The following ZNF445 variants were observed in gnomAD, a reference collection of about 807,000 sequenced individuals.
The protein encoded by ZNF445 is zinc finger protein 168.
In ZNF445, 19 loss-of-function variants were observed where a neutral mutation model predicts 93.9. That is an observed-to-expected ratio of 0.20 (90% CI 0.14 to 0.30). The LOEUF (loss-of-function observed/expected upper bound fraction) is 0.30, where lower values mean the gene tolerates loss of function less well. Among genes scored for constraint, ZNF445 ranks in the 10% least tolerant of loss-of-function variants. ZNF445 has a pLI of 1.00. For synonymous variants in ZNF445, 449 were observed against 446.3 expected (o/e 1.01, Z -0.08); for missense variants, 1,058 against 1,259.4 (o/e 0.84, Z 2.42).
chr3:44,448,053 G>A lies in ZNF445; in HGVS notation c.1618C>T (p.Pro540Ser). The change falls in exon 8 of 8, where the codon CCT (proline) becomes TCT (serine). Residue 540 changes from proline to serine, a missense_variant. This residue lies in a region of ZNF445 where 657 missense variants were observed against 746.4 expected (regional missense o/e 0.88). Coordinates refer to ENST00000396077, the MANE Select transcript of ZNF445 (RefSeq NM_181489.6). ...RHEKIHTGVK[P>S]YKCDLCEKAF... is the part of the protein sequence containing the mutation. ...TTCTCACATAAATCGCATTTATAAG[G>A]CTTCACTCCAGTGTGAATTTTCTCA... is the stretch of plus-strand genomic sequence containing the variant. 8.1e-6 allele frequency: 13 copies of A among 1,611,978 alleles called. 2 individuals are homozygous for A. The South Asian group carries it at 1.2e-4, about 15-fold the overall frequency.
Position 44,471,048 on chromosome 3 carries a change from A to G in ZNF445, c.-269+6543T>C, listed in dbSNP as rs148046845. Among the ~76,000 whole-genome samples, 353 of 152,352 alleles carry G rather than the reference A, an allele frequency of 2.3e-3. 5 individuals are homozygous for G. The highest frequency in any genetic ancestry group is 0.02 in the Admixed American group (307 of 15,312). ...GAAAACAGAAACAAAGAAAAGGAGTAGCCAGCAACAATGGAAGAAAAAAAA... is the reference window on the plus strand; with the variant it reads ...GAAAACAGAAACAAAGAAAAGGAGTGGCCAGCAACAATGGAAGAAAAAAAA... On this transcript the variant is annotated intron_variant, in intron 1 of 7. Transcript: ENST00000396077.
In ZNF445 at chr3:44,450,857, C is replaced by CTA; in HGVS notation, c.693+10_693+11insTA. On this transcript the variant is annotated intron_variant, in intron 5 of 7. Transcript: ENST00000396077. ...GGGACATCAGGAAGGACCAAATGTT[C>CTA]TGTGGCTCACCTGGAGCTGGGCTGT... 1 of 1,552,606 alleles carries CTA rather than the reference C, an allele frequency of 6.4e-7. No individual in the cohort carries two copies. The highest frequency in any genetic ancestry group is 8.7e-7 in the Non-Finnish European group (1 of 1,151,516).
intron 3 of ZNF445, chr3:44,454,858 T>C (rs773015658): frequency 2.3e-4 from 116 of 508,684 alleles, no homozygotes; most frequent in Non-Finnish European, 3.7e-4. Context: ...TGTGAGCCAC[T>C]GTGCCCAGAA....
chr3:44,450,372 T>A, intron 6 of ZNF445, 75 bp downstream of exon 6: 1 of 1,596,834 alleles, frequency 6.3e-7, no homozygotes, highest in Non-Finnish European at 8.6e-7. Flanking sequence ...GTCAGGTACC[T>A]TTCTATGCAG....
chr3:44,455,045 G>A (rs1439681003), intron 3 of ZNF445, 76 bp downstream of exon 3: 1 of 1,575,154 alleles, frequency 6.3e-7, no homozygotes, highest in Non-Finnish European at 8.7e-7. Flanking sequence ...AGTTTAGAGG[G>A]CCACCCCCAT....
intron 2 of ZNF445, among the ~76,000 whole-genome samples, chr3:44,457,331 G>A (rs1421847572): frequency 2.0e-5 from 3 of 151,938 alleles, no homozygotes; most frequent in Non-Finnish European, 4.4e-5. Context: ...GAGTGCAGTG[G>A]TGTGATCATG....
In ZNF445 at chr3:44,435,037, G is replaced by A. The variant is rs1697648179; in HGVS notation, c.*11538C>T. ...ACCCTTCAACTGGGCCTGTACACAT[G>A]CCCAAGAGGTGGCCTTTTGACATCA... On this transcript the variant is annotated 3_prime_UTR_variant, in exon 8 of 8. Coordinates refer to ENST00000396077, the MANE Select transcript of ZNF445 (RefSeq NM_181489.6). 6.6e-6 allele frequency: 1 copy of A among 152,088 alleles called. No individual in the cohort carries two copies. Among genetic ancestry groups the A allele is most frequent in the East Asian group, 1.9e-4 (1 of 5,192 alleles). The allele number at this position is 152,088 out of a possible 1,614,324, so 9.4% of individuals were successfully genotyped here.
chr3:44,435,796 G>C lies in ZNF445; in HGVS notation c.*10779C>G, dbSNP rs1697667539. 1 of 152,152 alleles carries C rather than the reference G, an allele frequency of 6.6e-6. No individual in the cohort carries two copies. The highest frequency in any genetic ancestry group is 6.5e-5 in the Admixed American group (1 of 15,278). 9.4% of individuals were successfully genotyped at this position (152,152 alleles called of 1,614,324 possible). A position where few individuals can be genotyped will look rare whatever the true frequency, so the allele number is the denominator to read the frequency against. ...GGTTCAGGAATCTACTAGATCTACT[G>C]TGAGATGAATCTGAGCCAAAAAGCC... On this transcript the variant is annotated 3_prime_UTR_variant, in exon 8 of 8. Coordinates refer to ENST00000396077, the MANE Select transcript of ZNF445 (RefSeq NM_181489.6).
intron 3 of ZNF445, 32 bp downstream of exon 3, chr3:44,455,089 T>A: frequency 6.2e-7 from 1 of 1,613,564 alleles, no homozygotes; most frequent in Non-Finnish European, 8.5e-7. Context: ...CAGGCAGAGT[T>A]CCCTGGGCAC....
chr3:44,465,674 A>T (rs1464408594), intron 1 of ZNF445, among the ~76,000 whole-genome samples: 1 of 152,212 alleles, frequency 6.6e-6, no homozygotes, highest in Non-Finnish European at 1.5e-5. Context: ...GCACTTTGGG[A>T]GGCTGAGGCA....
At chr3:44,458,007 C>T (rs1232916288) in intron 2 of ZNF445, among the ~76,000 whole-genome samples, 11 of 93,742 alleles carry the variant, frequency 1.2e-4, no homozygotes, top group East Asian at 8.0e-4. Flanking sequence ...AATAAGACTC[C>T]GTCTCAAAAA....
In ZNF445 at chr3:44,442,692, C is replaced by T. The variant is rs977986079; in HGVS notation, c.*3883G>A. The T allele has an allele frequency of 6.6e-6, 1 of 152,252 alleles. No homozygotes were observed. The highest frequency in any genetic ancestry group is 1.5e-5 in the Non-Finnish European group (1 of 68,086). 9.4% of individuals were successfully genotyped at this position (152,252 alleles called of 1,614,324 possible). A position where few individuals can be genotyped will look rare whatever the true frequency, so the allele number is the denominator to read the frequency against. On this transcript the variant is annotated 3_prime_UTR_variant, in exon 8 of 8. Coordinates refer to ENST00000396077, the MANE Select transcript of ZNF445 (RefSeq NM_181489.6). ...AAAGGTGGGAAGGGTTGGAAGGAAA[C>T]TGAATGTTCTCCAGGCCAGGATGAG...
intron 1 of ZNF445, among the ~76,000 whole-genome samples, chr3:44,469,281 A>G (rs2125685367): frequency 6.6e-6 from 1 of 152,276 alleles, no homozygotes; most frequent in Non-Finnish European, 1.5e-5. Flanking sequence ...ATGGAGATGG[A>G]GGGTTCACAA....
At chr3:44,468,810 G>T (rs1019999618) in intron 1 of ZNF445, among the ~76,000 whole-genome samples, 7 of 152,020 alleles carry the variant, frequency 4.6e-5, no homozygotes, top group Admixed American at 4.6e-4. Context: ...ACTTTGCTCC[G>T]CAAATGCTGG....
At position 44,455,342 on chromosome 3, in the gene ZNF445, G is replaced by A. The variant is rs749610764; in HGVS notation, c.208C>T (p.Leu70=). Residue 70 remains leucine, a synonymous_variant, in exon 3 of 8, where the codon CTA becomes TTA. Coordinates refer to ENST00000396077, the MANE Select transcript of ZNF445 (RefSeq NM_181489.6). The stretch of plus-strand genomic sequence containing the variant: ...TCCCGGAGCCGGCTCAGAGTTTCTA[G>A]GGGCCCTGAAGACTCATGGTAGCGA... ...QLRYHESSGP[L]ETLSRLRELC... is the part of the protein sequence containing the mutation. 6.2e-7 allele frequency: 1 copy of A among 1,613,826 alleles called. No homozygotes were observed. The highest frequency in any genetic ancestry group is 1.3e-5 in the African/African-American group (1 of 74,918).
chr3:44,461,382 T>C (rs1047417272), intron 1 of ZNF445, among the ~76,000 whole-genome samples: 24 of 151,980 alleles, frequency 1.6e-4, no homozygotes, highest in Non-Finnish European at 2.5e-4. Flanking sequence ...AATAGGAGGA[T>C]AGCTTGGTTA....
At position 44,477,628 on chromosome 3, in the gene ZNF445, G is replaced by T. The variant is rs1382606961; in HGVS notation, c.-306C>A. On this transcript the variant is annotated 5_prime_UTR_variant, in exon 1 of 8. Coordinates refer to ENST00000396077, the MANE Select transcript of ZNF445 (RefSeq NM_181489.6). The stretch of plus-strand genomic sequence containing the variant: ...CCGAGCGACAATCGGTCCACCCGCC[G>T]CCACCGCAGCCGCCCGTCCCGCGCC... 2.0e-5 allele frequency: 3 copies of T among 151,942 alleles called. No individual in the cohort carries two copies. Among genetic ancestry groups the T allele is most frequent in the Non-Finnish European group, 2.9e-5 (2 of 67,958 alleles). 9.4% of individuals were successfully genotyped at this position (151,942 alleles called of 1,614,324 possible). A position where few individuals can be genotyped will look rare whatever the true frequency, so the allele number is the denominator to read the frequency against.
chr3:44,454,315 C>T (rs557938577), intron 3 of ZNF445, among the ~76,000 whole-genome samples: 3 of 152,204 alleles, frequency 2.0e-5, no homozygotes, highest in Non-Finnish European at 4.4e-5. Flanking sequence ...AGAGCCCTAA[C>T]CCTAAATGCT....
At chr3:44,452,931 T>C (rs1207393707) in intron 3 of ZNF445, among the ~76,000 whole-genome samples, 1 of 151,756 alleles carries the variant, frequency 6.6e-6, no homozygotes, top group Non-Finnish European at 1.5e-5. Context: ...TTTTTTTTTT[T>C]TCGGACATAG....
Sources: allele counts gnomAD v4.1 joint callset (sites outside exome capture counted in the v4.1 genomes callset), GRCh38; gene constraint gnomAD v4.1.1; regional missense constraint gnomAD v4.1.1; transcripts MANE v1.5; gene names NCBI Gene and HGNC (gene_info 2026-07-23, HGNC 2026-07-21).